CDKL5: variants seen among roughly 807,000 people sequenced by gnomAD.
CDKL5 encodes cyclin dependent kinase like 5.
A neutral mutation model predicts 61.7 loss-of-function variants in CDKL5; 8 were observed. That is an observed-to-expected ratio of 0.13 (90% confidence interval 0.08 to 0.23). The LOEUF is 0.23. Among genes scored for constraint, CDKL5 ranks in the 10% least tolerant of loss-of-function variants. CDKL5 has a pLI of 1.00. For missense variants in CDKL5, 440 were observed against 734.5 expected (o/e 0.60, Z 4.63); for synonymous variants, 275 against 272.3 (o/e 1.01, Z -0.10).
chrX:18,544,559 TAGTAGGTGGTAGA>T (rs774090889), intron 3 of CDKL5, among the ~76,000 whole-genome samples: 1 of 111,756 alleles, frequency 8.9e-6, no homozygotes, highest in Admixed American at 9.5e-5. Context: ...GCCACTCAGG[TAGTAGGTGGTAGA>T]GCCAGGATTC....
At chrX:18,535,514 G>A (rs955942614) in intron 3 of CDKL5, 1 of 112,246 alleles carries the variant, frequency 8.9e-6, no homozygotes, top group African/African-American at 3.3e-5. Context: ...ATCCCAGGGA[G>A]CTTGCTGCGA....
intron 1 of CDKL5, among the ~76,000 whole-genome samples, chrX:18,473,323 A>G (rs1385741070): frequency 1.8e-5 from 2 of 110,255 alleles, no homozygotes; most frequent in East Asian, 2.8e-4. Context: ...AGTTACATGA[A>G]CCTCTTAGAT....
intron 1 of CDKL5, among the ~76,000 whole-genome samples, chrX:18,482,977 TAA>T (rs1921643453): frequency 8.9e-6 from 1 of 112,239 alleles, no homozygotes; most frequent in Non-Finnish European, 1.9e-5. Context: ...AATATTGCTT[TAA>T]AAATGTTAAT....
At chrX:18,452,169 G>T (rs1347135365) in intron 1 of CDKL5, among the ~76,000 whole-genome samples, 1 of 111,286 alleles carries the variant, frequency 9.0e-6, no homozygotes, top group Non-Finnish European at 1.9e-5. Flanking sequence ...TTATAATTAG[G>T]CTCAGACTCA....
At chrX:18,617,340 C>T (rs1466795118) in intron 15 of CDKL5, among the ~76,000 whole-genome samples, 1 of 111,804 alleles carries the variant, frequency 8.9e-6, no homozygotes, top group Non-Finnish European at 1.9e-5. Flanking sequence ...AAGCTTCTGT[C>T]TCTGAGATTG....
Position 18,635,757 on chromosome X carries a change from A to G in CDKL5, c.*7000A>G. ...GCCAATCTTGTGCTAAGTGCTATGG[A>G]GAAAGCAAAGATGCACAGCTTAATA... On this transcript the variant is annotated 3_prime_UTR_variant, in exon 18 of 18. Transcript: ENST00000623535. The G allele has an allele frequency of 7.6e-6, 2 of 263,379 alleles. No individual in the cohort carries two copies. Among genetic ancestry groups the G allele is most frequent in the Non-Finnish European group, 1.0e-5 (2 of 190,860 alleles). The allele number at this position is 263,379 out of a possible 1,213,427, so 21.7% of individuals were successfully genotyped here.
At chrX:18,546,798 C>T (rs1278098216) in intron 3 of CDKL5, among the ~76,000 whole-genome samples, 2 of 111,235 alleles carry the variant, frequency 1.8e-5, no homozygotes, top group African/African-American at 6.6e-5. Flanking sequence ...AGCATAGATT[C>T]CAGTGCAGTT....
At chrX:18,518,422 T>G (rs1239781746) in intron 3 of CDKL5, among the ~76,000 whole-genome samples, 1 of 84,831 alleles carries the variant, frequency 1.2e-5, no homozygotes, top group African/African-American at 4.6e-5. Flanking sequence ...TTTTTTTTTT[T>G]TGTGACAGAG....
chrX:18,434,928 A>G (rs1931578614), intron 1 of CDKL5, among the ~76,000 whole-genome samples: 1 of 111,741 alleles, frequency 8.9e-6, no homozygotes, highest in Non-Finnish European at 1.9e-5. Context: ...ACTCTATCTC[A>G]AAAAGGAAGA....
chrX:18,472,363 T>TG (rs1361736908), intron 1 of CDKL5, among the ~76,000 whole-genome samples: 1 of 112,071 alleles, frequency 8.9e-6, no homozygotes, highest in East Asian at 2.8e-4. Flanking sequence ...TCATTGTTGT[T>TG]AAAGTTTTAC....
chrX:18,469,723 T>C (rs761633569), intron 1 of CDKL5, among the ~76,000 whole-genome samples: 87 of 111,871 alleles, frequency 7.8e-4, no homozygotes, highest in African/African-American at 2.7e-3. Flanking sequence ...TTAGTATATA[T>C]TCATTCCTTT....
chrX:18,569,985 ATTC>A (rs1334891481), intron 4 of CDKL5, among the ~76,000 whole-genome samples: 1 of 111,680 alleles, frequency 9.0e-6, no homozygotes, highest in Non-Finnish European at 1.9e-5. Flanking sequence ...GAATGGACAT[ATTC>A]TTCTTAATTA....
chrX:18,619,723 T>C (rs1231545769), intron 15 of CDKL5, 144 bp from the exon 16 acceptor site: 5 of 457,853 alleles, frequency 1.1e-5, no homozygotes, highest in African/African-American at 9.8e-5. Flanking sequence ...TCCTGTGCTT[T>C]TTTAGAGGCT....
intron 3 of CDKL5, among the ~76,000 whole-genome samples, chrX:18,558,933 G>C (rs1458931696): frequency 8.9e-6 from 1 of 112,579 alleles, no homozygotes; most frequent in Non-Finnish European, 1.9e-5. Context: ...TGAAGGTAAA[G>C]GGAAGGGAAC....
At chrX:18,614,631 A>G (rs1360030003) in intron 15 of CDKL5, among the ~76,000 whole-genome samples, 2 of 112,726 alleles carry the variant, frequency 1.8e-5, no homozygotes, top group African/African-American at 6.4e-5. Flanking sequence ...TAACTTCAAC[A>G]TCAGGTGTTT....
At chrX:18,546,638 G>A (rs1173548588) in intron 3 of CDKL5, among the ~76,000 whole-genome samples, 1 of 111,761 alleles carries the variant, frequency 8.9e-6, no homozygotes, top group Admixed American at 9.5e-5. Flanking sequence ...TTCATCAGAG[G>A]TATTTAGAAC....
At position 18,629,654 on chromosome X, in the gene CDKL5, C is replaced by G. The variant is rs940246938; in HGVS notation, c.*897C>G. The G allele has an allele frequency of 1.2e-4, 94 of 752,206 alleles. No homozygotes were observed. Among genetic ancestry groups the G allele is most frequent in the Non-Finnish European group, 1.4e-4 (92 of 639,101 alleles). 62.0% of individuals were successfully genotyped at this position (752,206 alleles called of 1,213,427 possible). ...AACTTTGAGGCCCCAGCAGTAGCCTCTAGACATGATCCTTGGTAGCAGACG... is the reference window on the plus strand; with the variant it reads ...AACTTTGAGGCCCCAGCAGTAGCCTGTAGACATGATCCTTGGTAGCAGACG... On this transcript the variant is annotated 3_prime_UTR_variant, in exon 18 of 18. Coordinates refer to ENST00000623535, the MANE Select transcript of CDKL5 (RefSeq NM_001323289.2).
chrX:18,471,289 T>A (rs1428692664), intron 1 of CDKL5, among the ~76,000 whole-genome samples: 1 of 111,413 alleles, frequency 9.0e-6, no homozygotes, highest in Non-Finnish European at 1.9e-5. Flanking sequence ...GTAAATGGAG[T>A]ATTCATTACC....
At chrX:18,644,928 T>G (rs763301039), downstream of CDKL5, among the ~76,000 whole-genome samples, 109 of 112,888 alleles carry the variant, frequency 9.7e-4, no homozygotes, top group African/African-American at 2.6e-3. Flanking sequence ...GTTGAACATG[T>G]CTGTCTGCAA....
Sources: gnomAD v4.1 joint callset for allele counts (sites outside exome capture counted in the v4.1 genomes callset) on GRCh38, gnomAD v4.1.1 for gene constraint, MANE v1.5 for transcripts, NCBI Gene and HGNC (gene_info 2026-07-23, HGNC 2026-07-21) for gene names.